Variants in DPH5 observed in about 807,000 individuals in gnomAD.
DPH5 encodes diphthine methyl ester synthase.
DPH5 carries 31 observed loss-of-function variants against 31.6 expected under a neutral mutation model. The observed-to-expected ratio is 0.98, with a 90% CI of 0.74 to 1.32. DPH5 has a LOEUF of 1.32. Ranked by LOEUF, DPH5 falls within the 40% of genes most tolerant of loss-of-function variation. The pLI is 0.00. For synonymous variants in DPH5, 120 were observed against 115.0 expected, an observed-to-expected ratio of 1.04 and a Z score of -0.28; for missense variants, 309 against 335.7, an observed-to-expected ratio of 0.92 and a Z score of 0.62.
intron 3 of DPH5, among the ~76,000 whole-genome samples, chr1:101,018,204 C>A (rs943880376): frequency 6.6e-6 from 1 of 151,050 alleles, no homozygotes; most frequent in African/African-American, 2.4e-5. Context: ...AAATAAAGTA[C>A]ACAAAGGTGA....
Position 101,021,817 on chromosome 1 carries a change from A to AACACACACAC in DPH5, c.136-62_136-53dup, listed in dbSNP as rs67726104. On this transcript the variant is annotated intron_variant, in intron 2 of 7. Transcript: ENST00000370109. ...TAAAGAGACAGCAGGTGACCATTCT[A>AACACACACAC]ACACACACACACACACACACACACA... is the stretch of plus-strand genomic sequence containing the variant. 7.0e-4 allele frequency: 519 copies of AACACACACAC among 739,068 alleles called. 1 individual carries two copies. The highest frequency in any genetic ancestry group is 3.0e-3 in the East Asian group (81 of 27,210). 45.8% of individuals were successfully genotyped at this position (739,068 alleles called of 1,614,324 possible).
At chr1:100,995,020 C>A (rs1658214613) in intron 6 of DPH5, 90 bp downstream of exon 6, 1 of 901,236 alleles carries the variant, frequency 1.1e-6, no homozygotes, top group Non-Finnish European at 1.8e-6. Context: ...CATTTTCAAC[C>A]ATCTTTAGAA....
At chr1:101,008,655 A>ATG (rs370963566) in intron 4 of DPH5, among the ~76,000 whole-genome samples, 10 of 151,320 alleles carry the variant, frequency 6.6e-5, no homozygotes, top group Non-Finnish European at 1.0e-4. Flanking sequence ...ACATATTTGT[A>ATG]TGTGTGTGTG....
chr1:101,020,463 A>G (rs1338251500), intron 3 of DPH5, among the ~76,000 whole-genome samples: 1 of 151,904 alleles, frequency 6.6e-6, no homozygotes, highest in African/African-American at 2.4e-5. Context: ...ATGAAATTCC[A>G]AGGTTTCCTA....
intron 4 of DPH5, among the ~76,000 whole-genome samples, chr1:101,010,738 G>C (rs978846895): frequency 6.6e-6 from 1 of 152,068 alleles, no homozygotes; most frequent in African/African-American, 2.4e-5. Context: ...TTGAGCAAGA[G>C]AGCATGGCAA....
At chr1:101,014,303 G>C (rs1300162759) in intron 3 of DPH5, among the ~76,000 whole-genome samples, 1 of 152,150 alleles carries the variant, frequency 6.6e-6, no homozygotes, top group Non-Finnish European at 1.5e-5. Context: ...ATACCATGAA[G>C]ATATTGCAAG....
In DPH5 at chr1:100,990,209, T is replaced by C. The variant is rs1168296432; in HGVS notation, c.*199A>G. The C allele has an allele frequency of 1.0e-5, 6 of 578,836 alleles. No homozygotes were observed. The highest frequency in any genetic ancestry group is 3.1e-5 in the Admixed American group (1 of 32,398). The allele number at this position is 578,836 out of a possible 1,614,324, so 35.9% of individuals were successfully genotyped here. A position where few individuals can be genotyped will look rare whatever the true frequency, so the allele number is the denominator to read the frequency against. On this transcript the variant is annotated 3_prime_UTR_variant, in exon 8 of 8. Coordinates refer to ENST00000370109, the MANE Select transcript of DPH5 (RefSeq NM_015958.3). ...CAGTAGGGGAAATGCCAGGCACTTA[T>C]AAAACCATCAGATCTCATGAAAGCT...
At chr1:100,991,785 T>C (rs1283244748) in intron 7 of DPH5, among the ~76,000 whole-genome samples, 1 of 76,674 alleles carries the variant, frequency 1.3e-5, no homozygotes, top group Non-Finnish European at 2.8e-5. Context: ...CAAGACCCCA[T>C]CTCAAAAAAA....
chr1:100,993,415 G>C (rs1290912339), intron 6 of DPH5, among the ~76,000 whole-genome samples: 1 of 151,196 alleles, frequency 6.6e-6, no homozygotes, highest in Non-Finnish European at 1.5e-5. Context: ...AGCGTGGCTT[G>C]GTGGCGCACG....
chr1:100,996,105 T>G (rs1271262333), intron 5 of DPH5: 1 of 152,218 alleles, frequency 6.6e-6, no homozygotes, highest in Admixed American at 6.5e-5. Context: ...TTTTCAGGTT[T>G]GAAATATCAT....
intron 7 of DPH5, among the ~76,000 whole-genome samples, chr1:100,991,716 G>A (rs1420323632): frequency 6.7e-6 from 1 of 149,772 alleles, no homozygotes; most frequent in African/African-American, 2.5e-5. Flanking sequence ...TTGAGCCCGG[G>A]AGGCAGAGGT....
In DPH5 at chr1:100,990,538, A is replaced by G; in HGVS notation, c.728T>C (p.Val243Ala). The G allele has an allele frequency of 6.2e-7, 1 of 1,614,188 alleles. No homozygotes were observed. Among genetic ancestry groups the G allele is most frequent in the Non-Finnish European group, 8.5e-7 (1 of 1,180,020 alleles). ...AAGTLRQMCT[V>A]DLGEPLHSLI... ...GGAATGCAATGGTTCTCCCAAGTCC[A>G]CAGTGCACATTTGCCTTAAAGTGCC... The change falls in exon 8 of 8, where the codon GTG becomes GCG. Residue 243 changes from valine to alanine, a missense_variant. Val to Ala is a moderately conservative substitution (Grantham distance 64). Coordinates refer to ENST00000370109, the MANE Select transcript of DPH5 (RefSeq NM_015958.3).
At chr1:101,005,118 T>G (rs968775327) in intron 4 of DPH5, among the ~76,000 whole-genome samples, 1 of 152,224 alleles carries the variant, frequency 6.6e-6, no homozygotes, top group Non-Finnish European at 1.5e-5. Context: ...TTTCTTTCCT[T>G]TTAGAAGCAT....
chr1:100,999,887 G>A (rs1244909427), intron 5 of DPH5, among the ~76,000 whole-genome samples: 1 of 151,956 alleles, frequency 6.6e-6, no homozygotes, highest in East Asian at 1.9e-4. Context: ...GCTCACGCTT[G>A]TAATCCCAGC....
chr1:101,010,536 A>G (rs746029027), intron 4 of DPH5, among the ~76,000 whole-genome samples: 22 of 152,244 alleles, frequency 1.4e-4, no homozygotes, highest in Non-Finnish European at 2.9e-4. Flanking sequence ...CAAAAACAAC[A>G]GAATAGTTCA....
chr1:101,016,118 G>A (rs1374654539), intron 3 of DPH5, among the ~76,000 whole-genome samples: 1 of 152,124 alleles, frequency 6.6e-6, no homozygotes, highest in African/African-American at 2.4e-5. Flanking sequence ...ACTTTGGGAG[G>A]CTGAGGCAGA....
chr1:101,015,697 CTG>C (rs999952528), intron 3 of DPH5, among the ~76,000 whole-genome samples: 1 of 152,230 alleles, frequency 6.6e-6, no homozygotes, highest in African/African-American at 2.4e-5. Flanking sequence ...CAATAGAAGG[CTG>C]TTTCATCCAC....
Position 100,992,698 on chromosome 1 carries a change from G to A in DPH5, c.573C>T (p.Asn191=), listed in dbSNP as rs545452289. Residue 191 remains asparagine, a synonymous_variant, in exon 7 of 8, where the codon AAC becomes AAT. Coordinates refer to ENST00000370109, the MANE Select transcript of DPH5 (RefSeq NM_015958.3). The part of the protein sequence containing the change: ...IYEPPRYMSV[N]QAAQQLLEIV... ...TCTCCAGAAGCTGCTGGGCTGCTTG[G>A]TTTACACTCATATACCGTGGAGGTT... 23 of 1,613,844 alleles carry A rather than the reference G, an allele frequency of 1.4e-5. No individual in the cohort carries two copies. In the South Asian group the frequency reaches 2.4e-4, roughly 17 times the overall value.
intron 7 of DPH5, among the ~76,000 whole-genome samples, chr1:100,991,899 G>T (rs565199923): frequency 1.3e-5 from 2 of 151,850 alleles, no homozygotes; most frequent in South Asian, 4.2e-4. Context: ...TTGAGCCAAG[G>T]AATTCGAGAA....
Sources: allele counts gnomAD v4.1 joint callset (sites outside exome capture counted in the v4.1 genomes callset), GRCh38; gene constraint gnomAD v4.1.1; transcripts MANE v1.5; gene names NCBI Gene and HGNC (gene_info 2026-07-23, HGNC 2026-07-21).